The following OR1J2 variants were observed in gnomAD, a reference collection of about 807,000 sequenced individuals.
OR1J2 encodes olfactory receptor 1J2.
For missense variants in OR1J2, 304 were observed against 246.1 expected (o/e 1.24, Z -1.57); for synonymous variants, 142 against 99.7 (o/e 1.42, Z -2.52).
the OR1J2 span, chr9:122,567,786 G>A: frequency 1.9e-6 from 3 of 1,614,000 alleles, no homozygotes; most frequent in Non-Finnish European, 2.5e-6. Flanking sequence ...CCCAGAAGTA[G>A]AGGGAATCTT....
the OR1J2 span, among the ~76,000 whole-genome samples, chr9:122,499,895 G>T: frequency 6.6e-5 from 10 of 152,230 alleles, no homozygotes; most frequent in East Asian, 1.9e-3. Flanking sequence ...ACATAGATCA[G>T]TTTCAGGGCA....
the OR1J2 span, among the ~76,000 whole-genome samples, chr9:122,577,602 C>A: frequency 6.6e-6 from 1 of 151,998 alleles, no homozygotes; most frequent in African/African-American, 2.4e-5. Context: ...AACAGTGATA[C>A]CATTTTTTCA....
chr9:122,558,251 G>T, the OR1J2 span, among the ~76,000 whole-genome samples: 435 of 108,512 alleles, frequency 4.0e-3, no homozygotes, highest in African/African-American at 0.014. Context: ...TTTTTTTCTT[G>T]TGCTTACTTT....
the OR1J2 span, among the ~76,000 whole-genome samples, chr9:122,542,629 A>G: frequency 6.6e-6 from 1 of 152,092 alleles, no homozygotes; most frequent in African/African-American, 2.4e-5. Flanking sequence ...GCTTCCACAC[A>G]TCCATTTATT....
At chr9:122,519,681 C>G in the OR1J2 span, 1 of 1,614,122 alleles carries the variant, frequency 6.2e-7, no homozygotes, top group Non-Finnish European at 8.5e-7. Context: ...CTTCTGTGAT[C>G]TTGTTGCCCT....
upstream of OR1J2, among the ~76,000 whole-genome samples, chr9:122,508,386 G>C (rs770218064): frequency 6.6e-6 from 1 of 152,086 alleles, no homozygotes; most frequent in Non-Finnish European, 1.5e-5. Context: ...ACCTGCCACC[G>C]ACTTGTCTTC....
chr9:122,480,405 A>G, the OR1J2 span, among the ~76,000 whole-genome samples: 1 of 152,086 alleles, frequency 6.6e-6, no homozygotes, highest in African/African-American at 2.4e-5. Context: ...TCATTAGAAA[A>G]CTTTATAGAT....
chr9:122,545,269 A>G, the OR1J2 span, among the ~76,000 whole-genome samples: 1 of 152,118 alleles, frequency 6.6e-6, no homozygotes, highest in African/African-American at 2.4e-5. Context: ...TGAGTTGACC[A>G]TATGATTTGA....
At chr9:122,571,728 A>AT in the OR1J2 span, among the ~76,000 whole-genome samples, 1 of 151,474 alleles carries the variant, frequency 6.6e-6, no homozygotes, top group East Asian at 1.9e-4. Context: ...AAAAAAAAAA[A>AT]AATTGACCAT....
chr9:122,506,523 G>A (rs1828525207), upstream of OR1J2, among the ~76,000 whole-genome samples: 1 of 152,052 alleles, frequency 6.6e-6, no homozygotes, highest in African/African-American at 2.4e-5. Context: ...CTAGAATCTT[G>A]GAAGCTGGTT....
the OR1J2 span, among the ~76,000 whole-genome samples, chr9:122,452,562 G>A: frequency 6.6e-6 from 1 of 152,192 alleles, no homozygotes; most frequent in Non-Finnish European, 1.5e-5. Context: ...TGACAAGCAA[G>A]ATGCTGAGCG....
the OR1J2 span, chr9:122,568,040 C>T: frequency 8.1e-6 from 13 of 1,613,842 alleles, no homozygotes; most frequent in Middle Eastern, 1.6e-4. Context: ...AGGAGAAGGC[C>T]ACCAGCAGGA....
the OR1J2 span, among the ~76,000 whole-genome samples, chr9:122,453,205 C>T: frequency 2.6e-5 from 4 of 152,118 alleles, no homozygotes; most frequent in African/African-American, 9.7e-5. Flanking sequence ...TGTGCAGAAC[C>T]ATGAGCCAAT....
At chr9:122,450,370 G>T in the OR1J2 span, among the ~76,000 whole-genome samples, 4 of 152,208 alleles carry the variant, frequency 2.6e-5, no homozygotes, top group African/African-American at 9.6e-5. Flanking sequence ...GGTGGAGGTT[G>T]CAGTGAGCCA....
chr9:122,482,418 G>C, the OR1J2 span, among the ~76,000 whole-genome samples: 4 of 152,140 alleles, frequency 2.6e-5, no homozygotes, highest in Non-Finnish European at 5.9e-5. Flanking sequence ...ATACATGGTT[G>C]GTGGGAATAT....
chr9:122,529,076 T>C, the OR1J2 span, among the ~76,000 whole-genome samples: 1 of 152,206 alleles, frequency 6.6e-6, no homozygotes, highest in Non-Finnish European at 1.5e-5. Context: ...CTGAGAACTA[T>C]TGCGTATGTA....
At chr9:122,533,646 G>A in the OR1J2 span, among the ~76,000 whole-genome samples, 1 of 152,142 alleles carries the variant, frequency 6.6e-6, no homozygotes, top group Non-Finnish European at 1.5e-5. Context: ...AATTAAAAAA[G>A]AGTGCATAAA....
the OR1J2 span, among the ~76,000 whole-genome samples, chr9:122,551,520 G>A: frequency 9.2e-5 from 14 of 152,182 alleles, no homozygotes; most frequent in Admixed American, 3.3e-4. Flanking sequence ...CTTCAATGCA[G>A]TTTTACCTAG....
chr9:122,517,108 C>G, the OR1J2 span, among the ~76,000 whole-genome samples: 2 of 152,260 alleles, frequency 1.3e-5, no homozygotes, highest in South Asian at 2.1e-4. Flanking sequence ...AGTCTCATCT[C>G]CAGATTAGAG....
Sources: gnomAD v4.1 joint callset for allele counts (sites outside exome capture counted in the v4.1 genomes callset) on GRCh38, gnomAD v4.1.1 for gene constraint, MANE v1.5 for transcripts, NCBI Gene and HGNC (gene_info 2026-07-23, HGNC 2026-07-21) for gene names.